The following CNTN4 variants were observed in gnomAD, a reference collection of about 807,000 sequenced individuals.
CNTN4 encodes contactin 4.
Under a neutral mutation model 122.5 loss-of-function variants are expected in CNTN4, and 77 were observed. The ratio of observed to expected loss-of-function variants is 0.63; its 90% confidence interval spans 0.52 to 0.76. The LOEUF is 0.76. Among genes scored for constraint, CNTN4 ranks in the 30% least tolerant of loss-of-function variants. The pLI is 0.00. For missense variants in CNTN4, 1,256 were observed against 1,259.1 expected, an observed-to-expected ratio of 1.00 and a Z score of 0.04; for synonymous variants, 512 against 447.0, an observed-to-expected ratio of 1.15 and a Z score of -1.83.
chr3:2,129,442 G>T (rs1454921298), intron 2 of CNTN4, among the ~76,000 whole-genome samples: 1 of 144,648 alleles, frequency 6.9e-6, no homozygotes, highest in African/African-American at 2.5e-5. Flanking sequence ...TGCTATTTTG[G>T]ATTCTCTCAC....
chr3:2,171,957 T>C (rs2036535318), intron 2 of CNTN4, among the ~76,000 whole-genome samples: 1 of 152,178 alleles, frequency 6.6e-6, no homozygotes, highest in Admixed American at 6.5e-5. Flanking sequence ...TCAGACTTCA[T>C]TCCTGACCTC....
chr3:2,148,377 T>A (rs1007742283), intron 2 of CNTN4, among the ~76,000 whole-genome samples: 52 of 142,964 alleles, frequency 3.6e-4, no homozygotes, highest in East Asian at 2.9e-3. Context: ...CTACAGAAAA[T>A]AAAAAAAAAA....
At chr3:2,173,812 G>C (rs1307057674) in intron 2 of CNTN4, among the ~76,000 whole-genome samples, 1 of 151,728 alleles carries the variant, frequency 6.6e-6, no homozygotes, top group African/African-American at 2.4e-5. Context: ...AACTCTAAAA[G>C]ATAAAATAAA....
chr3:3,028,986 T>C (rs1382401479), intron 15 of CNTN4, among the ~76,000 whole-genome samples: 1 of 152,072 alleles, frequency 6.6e-6, no homozygotes, highest in Non-Finnish European at 1.5e-5. Context: ...TGAGTATGTG[T>C]GGATTTTAGT....
At chr3:2,403,017 C>T (rs374931684) in intron 3 of CNTN4, among the ~76,000 whole-genome samples, 11 of 152,000 alleles carry the variant, frequency 7.2e-5, no homozygotes, top group African/African-American at 1.9e-4. Flanking sequence ...ATCAAGGTGT[C>T]GGCAGGGTTC....
At chr3:2,355,477 C>T (rs1213637941) in intron 3 of CNTN4, among the ~76,000 whole-genome samples, 2 of 152,162 alleles carry the variant, frequency 1.3e-5, no homozygotes, top group African/African-American at 2.4e-5. Flanking sequence ...TCTCATAGAA[C>T]TTACAGCTAC....
At chr3:2,176,691 T>G (rs41400248) in intron 2 of CNTN4, among the ~76,000 whole-genome samples, 2 of 152,040 alleles carry the variant, frequency 1.3e-5, no homozygotes, top group Non-Finnish European at 2.9e-5. Context: ...TGGACCAAGA[T>G]TATCACTTTT....
At chr3:2,294,288 C>CTTTTT (rs71058604) in intron 2 of CNTN4, among the ~76,000 whole-genome samples, 1 of 135,614 alleles carries the variant, frequency 7.4e-6, no homozygotes, top group Non-Finnish European at 1.6e-5. Context: ...AGAGTTGTGA[C>CTTTTT]TTTTTTTTTT....
intron 2 of CNTN4, among the ~76,000 whole-genome samples, chr3:2,317,804 T>C (rs1356973736): frequency 6.6e-6 from 1 of 152,180 alleles, no homozygotes; most frequent in Non-Finnish European, 1.5e-5. Context: ...AAACGACTGA[T>C]GTGCTAGAAC....
At chr3:2,798,605 A>G (rs147982447) in intron 6 of CNTN4, among the ~76,000 whole-genome samples, 74 of 152,128 alleles carry the variant, frequency 4.9e-4, no homozygotes, top group African/African-American at 1.8e-3. Flanking sequence ...TGCCTGCTGC[A>G]CTCAAGAGAT....
At chr3:2,681,883 ATAATTG>A (rs779716468) in intron 4 of CNTN4, among the ~76,000 whole-genome samples, 8 of 152,114 alleles carry the variant, frequency 5.3e-5, no homozygotes, top group Non-Finnish European at 8.8e-5. Flanking sequence ...GTATCTTGCT[ATAATTG>A]AAAAATGACT....
At chr3:2,330,084 A>G (rs2043655493) in intron 2 of CNTN4, among the ~76,000 whole-genome samples, 2 of 152,176 alleles carry the variant, frequency 1.3e-5, no homozygotes, top group South Asian at 4.1e-4. Flanking sequence ...GCCAATTGAT[A>G]TAAATTAGAG....
intron 3 of CNTN4, among the ~76,000 whole-genome samples, chr3:2,535,217 T>C (rs557808711): frequency 3.3e-5 from 5 of 152,266 alleles, no homozygotes; most frequent in South Asian, 2.1e-4. Flanking sequence ...TTATTGGTAG[T>C]CTTTATGACA....
chr3:2,500,831 G>A (rs185326393), intron 3 of CNTN4, among the ~76,000 whole-genome samples: 137 of 151,996 alleles, frequency 9.0e-4, no homozygotes, highest in Admixed American at 2.2e-3. Flanking sequence ...ATGAGTCTTT[G>A]CAAATGAACA....
At chr3:2,513,531 G>T (rs2076951481) in intron 3 of CNTN4, among the ~76,000 whole-genome samples, 1 of 151,400 alleles carries the variant, frequency 6.6e-6, no homozygotes. Context: ...CCCTTTATTT[G>T]TACTTAGCAG....
intron 4 of CNTN4, among the ~76,000 whole-genome samples, chr3:2,589,808 C>T (rs899786593): frequency 6.6e-6 from 1 of 152,166 alleles, no homozygotes; most frequent in African/African-American, 2.4e-5. Flanking sequence ...CTCTTCTGTA[C>T]CGCATGGAGC....
At chr3:2,345,265 T>A (rs926936341) in intron 3 of CNTN4, among the ~76,000 whole-genome samples, 12 of 152,220 alleles carry the variant, frequency 7.9e-5, no homozygotes, top group Non-Finnish European at 1.5e-5. Flanking sequence ...GATTTTTTTT[T>A]ACCCTTTCAG....
At chr3:2,219,482 G>T (rs750605571) in intron 2 of CNTN4, among the ~76,000 whole-genome samples, 21 of 151,968 alleles carry the variant, frequency 1.4e-4, no homozygotes, top group Non-Finnish European at 2.9e-4. Context: ...GATTTTTCAG[G>T]CCATTGCATC....
intron 3 of CNTN4, among the ~76,000 whole-genome samples, chr3:2,507,790 C>A (rs1319308587): frequency 6.7e-6 from 1 of 148,316 alleles, no homozygotes; most frequent in African/African-American, 2.5e-5. Context: ...TTTTTTTAGC[C>A]ATTAAAATAA....
Sources: gnomAD v4.1 joint callset for allele counts (sites outside exome capture counted in the v4.1 genomes callset) on GRCh38, gnomAD v4.1.1 for gene constraint, MANE v1.5 for transcripts, NCBI Gene and HGNC (gene_info 2026-07-23, HGNC 2026-07-21) for gene names.